PHACTR1: variants seen among roughly 807,000 people sequenced by gnomAD.
The protein encoded by PHACTR1 is phosphatase and actin regulator 1.
PHACTR1 carries 16 observed loss-of-function variants against 69.2 expected under a neutral mutation model. The ratio of observed to expected loss-of-function variants is 0.23; its 90% CI spans 0.16 to 0.35. PHACTR1 has a LOEUF of 0.35. Among genes scored for constraint, PHACTR1 ranks in the 10% least tolerant of loss-of-function variants. PHACTR1 has a pLI of 1.00. For missense variants in PHACTR1, 510 were observed against 734.7 expected, an observed-to-expected ratio of 0.69 and a Z score of 3.54; for synonymous variants, 312 against 284.5, an observed-to-expected ratio of 1.10 and a Z score of -0.97.
intron 5 of PHACTR1, among the ~76,000 whole-genome samples, chr6:13,126,693 T>C (rs1819587169): frequency 6.6e-6 from 1 of 152,250 alleles, no homozygotes; most frequent in Admixed American, 6.5e-5. Context: ...CACCACCTTA[T>C]GTGATAAATA....
rs140433610 is a variant in PHACTR1 at position 13,052,263 on chromosome 6, G to T, written c.251-1102G>T. On this transcript the variant is annotated intron_variant, in intron 4 of 14. Coordinates refer to ENST00000332995, the MANE Select transcript of PHACTR1 (RefSeq NM_030948.6). ...AGAATTCCATATGTATTTAATGAAT[G>T]GATCTCCTGAGTTAAAACTATGTTC... 4.1e-3 allele frequency among the ~76,000 whole-genome samples: 627 copies of T among 152,304 alleles called. 3 individuals are homozygous for T. Among genetic ancestry groups the T allele is most frequent in the African/African-American group, 0.014 (600 of 41,560 alleles).
At chr6:13,200,788 A>G (rs1029173846) in intron 7 of PHACTR1, among the ~76,000 whole-genome samples, 6 of 151,804 alleles carry the variant, frequency 4.0e-5, no homozygotes, top group Non-Finnish European at 7.4e-5. Flanking sequence ...GAAAAAAAAA[A>G]AAATTAGCCA....
chr6:13,223,383 C>G (rs1046290838), intron 8 of PHACTR1, among the ~76,000 whole-genome samples: 1 of 152,154 alleles, frequency 6.6e-6, no homozygotes, highest in Non-Finnish European at 1.5e-5. Flanking sequence ...CAAGGTGAAT[C>G]GGTGAATAGA....
chr6:12,737,308 T>C (rs114366977), intron 3 of PHACTR1, among the ~76,000 whole-genome samples: 2,035 of 152,206 alleles, frequency 0.013, 20 homozygotes, highest in Middle Eastern at 0.072. Flanking sequence ...AGTATAGTTA[T>C]AGGACCACCA....
intron 4 of PHACTR1, among the ~76,000 whole-genome samples, chr6:12,899,150 G>C (rs1784958670): frequency 6.6e-6 from 1 of 152,168 alleles, no homozygotes; most frequent in Non-Finnish European, 1.5e-5. Context: ...ATTGCTGCTT[G>C]TCTGTGGTTT....
chr6:12,976,125 A>C (rs1794852500), intron 4 of PHACTR1, among the ~76,000 whole-genome samples: 1 of 152,196 alleles, frequency 6.6e-6, no homozygotes, highest in South Asian at 2.1e-4. Context: ...GGGTGATGGA[A>C]GGGGAAGGAG....
In PHACTR1 at chr6:13,205,953, A is replaced by T; in HGVS notation, c.803A>T (p.Gln268Leu). The T allele has an allele frequency of 6.2e-7, 1 of 1,614,038 alleles. No individual in the cohort carries two copies. Among genetic ancestry groups the T allele is most frequent in the Non-Finnish European group, 8.5e-7 (1 of 1,179,904 alleles). The change falls in exon 8 of 15, where the codon CAG (glutamine) becomes CTG (leucine). Residue 268 changes from glutamine (Q) to leucine (L), a missense_variant. Gln to Leu is a moderately radical substitution (Grantham distance 113). Transcript: ENST00000332995. Reference sequence around the variant, plus strand: ...TCCTACACAGCCCAGAAGAGTGGCCAGCAGGGTGTGGCCCAGCACCACCAC... The same window carrying T: ...TCCTACACAGCCCAGAAGAGTGGCCTGCAGGGTGTGGCCCAGCACCACCAC... The part of the protein sequence containing the change: ...LVSYTAQKSG[Q>L]QGVAQHHHTV...
rs527613595 is a variant in PHACTR1, at chr6:12,860,004, C to CATCATT, written c.250+110216_250+110217insCATTAT. Among the ~76,000 whole-genome samples the CATCATT allele has an allele frequency of 3.7e-3, 553 of 151,432 alleles. 3 individuals carry two copies. The highest frequency in any genetic ancestry group is 0.011 in the African/African-American group (444 of 41,254). On this transcript the variant is annotated intron_variant, in intron 4 of 14. Coordinates refer to ENST00000332995, the MANE Select transcript of PHACTR1 (RefSeq NM_030948.6). ...AGGACATCTTCATCATCATCATCATCATTATTATTATTATTATTATTAAGT... is the reference window on the plus strand; with the variant it reads ...AGGACATCTTCATCATCATCATCATCATCATTATTATTATTATTATTATTATTAAGT...
chr6:12,961,816 C>T (rs1792767424), intron 4 of PHACTR1, among the ~76,000 whole-genome samples: 1 of 152,132 alleles, frequency 6.6e-6, no homozygotes, highest in East Asian at 1.9e-4. Flanking sequence ...GTTGATTTTT[C>T]CTGAGGTCTT....
chr6:13,055,527 A>G (rs1806639185), intron 5 of PHACTR1, among the ~76,000 whole-genome samples: 1 of 152,218 alleles, frequency 6.6e-6, no homozygotes, highest in Non-Finnish European at 1.5e-5. Flanking sequence ...TGAAAAAAAT[A>G]TATATATATA....
At position 13,053,419 on chromosome 6, in the gene PHACTR1, C is replaced by A. The variant is rs976774929; in HGVS notation, c.305C>A (p.Thr102Asn). The A allele has an allele frequency of 6.2e-7, 1 of 1,613,444 alleles. No homozygotes were observed. The highest frequency in any genetic ancestry group is 1.3e-5 in the African/African-American group (1 of 74,888). ...AMRSDSLVPGTHTPPIRRRSK... is the reference protein window; with the variant it reads ...AMRSDSLVPGNHTPPIRRRSK... ...CGTTCTGACTCCCTCGTCCCAGGCA[C>A]CCACACCCCACCCATCCGCAGGAGA... is the stretch of plus-strand genomic sequence containing the variant. The change falls in exon 5 of 15, where the codon ACC (threonine) becomes AAC (asparagine). Residue 102 changes from threonine (T) to asparagine (N), a missense_variant. Around this residue, in one of 2 missense-constraint regions of PHACTR1, gnomAD observed 419 missense variants for 530.9 expected, o/e 0.79. Transcript: ENST00000332995.
At chr6:13,173,641 G>T (rs188218237) in intron 6 of PHACTR1, among the ~76,000 whole-genome samples, 1 of 152,290 alleles carries the variant, frequency 6.6e-6, no homozygotes, top group East Asian at 1.9e-4. Flanking sequence ...AGCTTCGATT[G>T]CAGTGATTTG....
intron 4 of PHACTR1, among the ~76,000 whole-genome samples, chr6:13,000,614 G>GAGGAAGGAAGGAAGGACGGA (rs1797965767): frequency 9.6e-6 from 1 of 103,650 alleles, no homozygotes; most frequent in Non-Finnish European, 1.8e-5. Context: ...GGAGGGAAGG[G>GAGGAAGGAAGGAAGGACGGA]AGGAAGGAAG....
At chr6:12,980,716 C>T (rs113248606) in intron 4 of PHACTR1, among the ~76,000 whole-genome samples, 2,324 of 152,232 alleles carry the variant, frequency 0.015, 50 homozygotes, top group African/African-American at 0.053. Flanking sequence ...TCTTAGATAA[C>T]TTCTTTTTAC....
intron 10 of PHACTR1, among the ~76,000 whole-genome samples, chr6:13,252,610 G>A (rs554706975): frequency 2.8e-5 from 4 of 144,466 alleles, no homozygotes; most frequent in African/African-American, 1.0e-4. Context: ...CCATGCTGCT[G>A]TTATTAAAAA....
intron 4 of PHACTR1, among the ~76,000 whole-genome samples, chr6:12,996,271 C>G (rs1218696953): frequency 6.6e-6 from 1 of 151,936 alleles, no homozygotes; most frequent in Non-Finnish European, 1.5e-5. Flanking sequence ...ACTCAAAAAT[C>G]AAAGAAAACA....
At chr6:13,093,829 A>G (rs1408508946) in intron 5 of PHACTR1, among the ~76,000 whole-genome samples, 1 of 152,216 alleles carries the variant, frequency 6.6e-6, no homozygotes, top group African/African-American at 2.4e-5. Flanking sequence ...GCTGGACAGA[A>G]TCTGATTTCG....
intron 4 of PHACTR1, among the ~76,000 whole-genome samples, chr6:12,810,795 C>T (rs955914873): frequency 3.3e-5 from 5 of 152,224 alleles, no homozygotes; most frequent in Admixed American, 2.6e-4. Flanking sequence ...TGGCTCCTTT[C>T]TGCTCACTTC....
At chr6:12,748,951 C>G (rs1280678450) in intron 3 of PHACTR1, among the ~76,000 whole-genome samples, 3 of 152,192 alleles carry the variant, frequency 2.0e-5, no homozygotes. Context: ...TGTAAGGGGG[C>G]AGATAAGAAA....
Sources: gnomAD v4.1 joint callset for allele counts (sites outside exome capture counted in the v4.1 genomes callset) on GRCh38, gnomAD v4.1.1 for gene constraint, gnomAD v4.1.1 regional missense constraint, MANE v1.5 for transcripts, NCBI Gene and HGNC (gene_info 2026-07-23, HGNC 2026-07-21) for gene names.